The following OTULINL variants were observed in gnomAD, a reference collection of about 807,000 sequenced individuals.
OTULINL encodes the protein OTU deubiquitinase with linear linkage specificity like, also known as inactive ubiquitin thioesterase OTULINL.
In OTULINL, 42 loss-of-function variants were observed where a neutral mutation model predicts 43.9. The ratio of observed to expected loss-of-function variants is 0.96; its 90% CI spans 0.75 to 1.24. OTULINL has a LOEUF of 1.24. OTULINL is among the 50% of genes most tolerant of loss of function. The pLI is 0.00. For missense variants in OTULINL, 411 were observed against 426.4 expected, an observed-to-expected ratio of 0.96 and a Z score of 0.32; for synonymous variants, 172 against 153.6, an observed-to-expected ratio of 1.12 and a Z score of -0.88.
intron 1 of OTULINL, among the ~76,000 whole-genome samples, chr5:14,595,326 T>G (rs1311850318): frequency 6.6e-6 from 1 of 152,146 alleles, no homozygotes; most frequent in Non-Finnish European, 1.5e-5. Context: ...ACTATGCAGC[T>G]GGCCCATGAG....
chr5:14,585,154 G>A (rs750047600), intron 1 of OTULINL, among the ~76,000 whole-genome samples: 9 of 152,028 alleles, frequency 5.9e-5, no homozygotes, highest in Non-Finnish European at 1.2e-4. Context: ...GGGCGCTGGT[G>A]GTAGAAAGTG....
chr5:14,591,583 A>G (rs1338738696), intron 1 of OTULINL, among the ~76,000 whole-genome samples: 1 of 152,186 alleles, frequency 6.6e-6, no homozygotes, highest in Non-Finnish European at 1.5e-5. Flanking sequence ...GGGGAGCCAG[A>G]ACCCCACCTC....
Position 14,607,418 on chromosome 5 carries a change from T to A in OTULINL, c.587T>A (p.Phe196Tyr). ...GAGAAGTATACAGGCTCGAATGTGTTTGGAAAACTACGGAAATATGTGGAA... is the reference window on the plus strand; with the variant it reads ...GAGAAGTATACAGGCTCGAATGTGTATGGAAAACTACGGAAATATGTGGAA... ...GPEKYTGSNV[F>Y]GKLRKYVELL... Residue 196 changes from phenylalanine to tyrosine, a missense_variant, in exon 6 of 8, where the codon TTT (phenylalanine) becomes TAT (tyrosine). Physicochemically the swap from Phe to Tyr is conservative, Grantham distance 22. Transcript: ENST00000274217. 3 of 1,614,178 alleles carry A rather than the reference T, an allele frequency of 1.9e-6. No homozygotes were observed. Among genetic ancestry groups the A allele is most frequent in the Non-Finnish European group, 2.5e-6 (3 of 1,180,022 alleles).
chr5:14,611,271 T>C lies in OTULINL; in HGVS notation c.*957T>C, dbSNP rs1482348115. 1.3e-5 allele frequency: 2 copies of C among 152,214 alleles called. No homozygotes were observed. Among genetic ancestry groups the C allele is most frequent in the African/African-American group, 4.8e-5 (2 of 41,450 alleles). 9.4% of individuals were successfully genotyped at this position (152,214 alleles called of 1,614,324 possible). ...CCAATGATGCTGAAATAGGGAGATT[T>C]TTCTAGATTCTCCAGGTGGACGCAG... On this transcript the variant is annotated 3_prime_UTR_variant, in exon 8 of 8. Transcript: ENST00000274217.
At chr5:14,588,489 C>A (rs1231624842) in intron 1 of OTULINL, among the ~76,000 whole-genome samples, 1 of 152,188 alleles carries the variant, frequency 6.6e-6, no homozygotes, top group African/African-American at 2.4e-5. Context: ...GAAGAGAAAA[C>A]ACACTGGTGG....
At chr5:14,599,744 T>C (rs958919144) in intron 1 of OTULINL, among the ~76,000 whole-genome samples, 35 of 152,354 alleles carry the variant, frequency 2.3e-4, no homozygotes, top group African/African-American at 8.2e-4. Flanking sequence ...TTCAGCATTT[T>C]ATGTGCTCAA....
chr5:14,607,764 A>G (rs1759507937), intron 6 of OTULINL, among the ~76,000 whole-genome samples: 1 of 152,224 alleles, frequency 6.6e-6, no homozygotes, highest in African/African-American at 2.4e-5. Context: ...AGTCCAGGCA[A>G]GGTGCTCAGA....
chr5:14,614,580 A>G lies in OTULINL; in HGVS notation c.*4266A>G, dbSNP rs1161758242. 2.8e-5 allele frequency: 11 copies of G among 398,642 alleles called. No homozygotes were observed. The highest frequency in any genetic ancestry group is 8.8e-5 in the Admixed American group (2 of 22,728). 24.7% of individuals were successfully genotyped at this position (398,642 alleles called of 1,614,324 possible). A position where few individuals can be genotyped will look rare whatever the true frequency, so the allele number is the denominator to read the frequency against. ...GATTATATTTATGCTTAATATCAACATGGTTTATAAGTGGACAGAAAAACA... is the reference window on the plus strand; with the variant it reads ...GATTATATTTATGCTTAATATCAACGTGGTTTATAAGTGGACAGAAAAACA... On this transcript the variant is annotated 3_prime_UTR_variant, in exon 8 of 8. Transcript: ENST00000274217.
intron 5 of OTULINL, among the ~76,000 whole-genome samples, chr5:14,604,929 T>C (rs1441219459): frequency 6.6e-6 from 1 of 151,980 alleles, no homozygotes; most frequent in African/African-American, 2.4e-5. Context: ...TGGTGCAAGG[T>C]GTTGGTGGTT....
chr5:14,594,608 G>A (rs1759256352), intron 1 of OTULINL, among the ~76,000 whole-genome samples: 1 of 152,202 alleles, frequency 6.6e-6, no homozygotes, highest in South Asian at 2.1e-4. Flanking sequence ...GCCCAGGGGG[G>A]AAGAAGTGTG....
In OTULINL at chr5:14,614,955, G is replaced by T. The variant is rs1276622451; in HGVS notation, c.*4641G>T. The T allele has an allele frequency of 2.5e-6, 1 of 393,836 alleles. No homozygotes were observed. The highest frequency in any genetic ancestry group is 4.4e-5 in the Admixed American group (1 of 22,598). 24.4% of individuals were successfully genotyped at this position (393,836 alleles called of 1,614,324 possible). ...CACTCACTTATTTGTAATGATTCTTGGGAAGTTTAGTCAAGAGAATATCCT... is the reference window on the plus strand; with the variant it reads ...CACTCACTTATTTGTAATGATTCTTTGGAAGTTTAGTCAAGAGAATATCCT... On this transcript the variant is annotated 3_prime_UTR_variant, in exon 8 of 8. Transcript: ENST00000274217.
In OTULINL at chr5:14,613,308, A is replaced by G. The variant is rs1489984215; in HGVS notation, c.*2994A>G. Among the ~76,000 whole-genome samples the G allele has an allele frequency of 6.6e-6, 1 of 152,084 alleles. No individual in the cohort carries two copies. Among genetic ancestry groups the G allele is most frequent in the Non-Finnish European group, 1.5e-5 (1 of 68,006 alleles). ...CCATCCACCCTCAGAACTTTTTAAAATCTCCAAGACTGACTTTTTTTCAAA... is the reference window on the plus strand; with the variant it reads ...CCATCCACCCTCAGAACTTTTTAAAGTCTCCAAGACTGACTTTTTTTCAAA... On this transcript the variant is annotated 3_prime_UTR_variant, in exon 8 of 8. Coordinates refer to ENST00000274217, the MANE Select transcript of OTULINL (RefSeq NM_019018.3).
chr5:14,607,277 G>A (rs949912784), intron 5 of OTULINL, 53 bp from the exon 6 acceptor site: 1 of 1,586,806 alleles, frequency 6.3e-7, no homozygotes, highest in African/African-American at 1.4e-5. Context: ...AGCAAATTGT[G>A]TGTAATAAAC....
At chr5:14,583,049 C>T (rs1759042838) in intron 1 of OTULINL, among the ~76,000 whole-genome samples, 2 of 152,166 alleles carry the variant, frequency 1.3e-5, no homozygotes, top group South Asian at 4.1e-4. Context: ...GTTTCCCAAA[C>T]ACACAGTTTG....
intron 1 of OTULINL, among the ~76,000 whole-genome samples, chr5:14,595,640 C>CTTTTTTTTTTTTTTTT (rs61482298): frequency 1.6e-4 from 9 of 57,112 alleles, no homozygotes; most frequent in Admixed American, 6.0e-4. Context: ...AAAAACGGTG[C>CTTTTTTTTTTTTTTTT]TTTTTTTTTT....
Position 14,602,483 on chromosome 5 carries a change from T to C in OTULINL, c.498+151T>C, listed in dbSNP as rs1369642560. ...GACAAGATCTCACTGTCACCCAGGA[T>C]TGAGTGTAGTGGGGTGATCATGGCT... On this transcript the variant is annotated intron_variant, in intron 5 of 7. Transcript: ENST00000274217. The C allele has an allele frequency of 9.0e-6, 6 of 669,826 alleles. No individual in the cohort carries two copies. In the African/African-American group the frequency reaches 1.1e-4, roughly 12 times the overall value. 41.5% of individuals were successfully genotyped at this position (669,826 alleles called of 1,614,324 possible).
At chr5:14,604,162 T>C (rs1449653756) in intron 5 of OTULINL, among the ~76,000 whole-genome samples, 1 of 152,104 alleles carries the variant, frequency 6.6e-6, no homozygotes, top group Non-Finnish European at 1.5e-5. Flanking sequence ...CAAGACTCCA[T>C]CTTGCCAAAA....
At position 14,602,206 on chromosome 5, in the gene OTULINL, G is replaced by A; in HGVS notation, c.372G>A (p.Arg124=). The change falls in exon 5 of 8, where the codon CGG becomes CGA. Residue 124 remains arginine (R), a synonymous_variant. Transcript: ENST00000274217. ...MRKAYEELFW[R]HHIKCVRQVR... is the part of the protein sequence containing the mutation. The stretch of plus-strand genomic sequence containing the variant: ...AGGCTTATGAGGAGCTATTTTGGCG[G>A]CATCACATTAAATGTGTTCGACAAG... 6.2e-7 allele frequency: 1 copy of A among 1,606,052 alleles called. No homozygotes were observed. Among genetic ancestry groups the A allele is most frequent in the Non-Finnish European group, 8.5e-7 (1 of 1,176,490 alleles).
chr5:14,606,088 T>C (rs929699929), intron 5 of OTULINL, among the ~76,000 whole-genome samples: 2 of 152,298 alleles, frequency 1.3e-5, no homozygotes, highest in South Asian at 4.1e-4. Context: ...CTGAGCAATT[T>C]ACAAAAGAAA....
Sources: gnomAD v4.1 joint callset for allele counts (sites outside exome capture counted in the v4.1 genomes callset) on GRCh38, gnomAD v4.1.1 for gene constraint, MANE v1.5 for transcripts, NCBI Gene and HGNC (gene_info 2026-07-23, HGNC 2026-07-21) for gene names.